Variants in STXBP5L observed in about 807,000 individuals in gnomAD.
STXBP5L encodes syntaxin-binding protein 5-like.
A neutral mutation model predicts 144.5 loss-of-function variants in STXBP5L; 65 were observed. The ratio of observed to expected loss-of-function variants is 0.45; its 90% CI spans 0.37 to 0.55. The LOEUF is 0.55. STXBP5L is among the 20% of genes least tolerant of loss of function. STXBP5L has a pLI of 0.00. For synonymous variants in STXBP5L, 505 were observed against 469.6 expected (o/e 1.08, Z -0.97); for missense variants, 1,298 against 1,405.5 (o/e 0.92, Z 1.22).
chr3:121,388,699 G>GA (rs1324423789), intron 22 of STXBP5L, among the ~76,000 whole-genome samples: 1 of 152,158 alleles, frequency 6.6e-6, no homozygotes, highest in East Asian at 1.9e-4. Context: ...TACGTTTATT[G>GA]ATTTCTGTAT....
intron 20 of STXBP5L, among the ~76,000 whole-genome samples, chr3:121,329,193 T>C (rs1196199804): frequency 6.6e-6 from 1 of 152,138 alleles, no homozygotes; most frequent in Admixed American, 6.5e-5. Flanking sequence ...TTATCCTGGG[T>C]AAAAGTCCCG....
intron 20 of STXBP5L, among the ~76,000 whole-genome samples, chr3:121,352,147 G>A (rs1043637059): frequency 6.6e-6 from 1 of 152,094 alleles, no homozygotes; most frequent in South Asian, 2.1e-4. Context: ...TTCTGGCTTA[G>A]GATTGACTTG....
chr3:120,982,300 G>C (rs1576565926), intron 3 of STXBP5L, among the ~76,000 whole-genome samples: 1 of 152,146 alleles, frequency 6.6e-6, no homozygotes, highest in East Asian at 1.9e-4. Flanking sequence ...TCCATAGGTG[G>C]GGGGACAAAG....
rs577760365 is a variant in STXBP5L at position 121,014,378 on chromosome 3, CT to C, written c.288-27315del. ...TTCTGTCACCACATAGCAGGGTTGT[CT>C]TTTTTTGAGTTCCATATAAATGGAA... On this transcript the variant is annotated intron_variant, in intron 3 of 26. Coordinates refer to ENST00000471454, the MANE Select transcript of STXBP5L (RefSeq NM_001308330.2). Among the ~76,000 whole-genome samples the C allele has an allele frequency of 5.9e-3, 901 of 151,950 alleles. 8 individuals carry two copies. The highest frequency in any genetic ancestry group is 0.02 in the African/African-American group (830 of 41,480).
intron 2 of STXBP5L, among the ~76,000 whole-genome samples, chr3:120,930,163 TC>T (rs1312422296): frequency 1.5e-5 from 2 of 135,744 alleles, no homozygotes; most frequent in Non-Finnish European, 3.1e-5. Context: ...ATTTCTATTT[TC>T]TTTTTTTTTT....
At chr3:121,281,400 C>T (rs1366582506) in intron 19 of STXBP5L, among the ~76,000 whole-genome samples, 1 of 151,956 alleles carries the variant, frequency 6.6e-6, no homozygotes, top group African/African-American at 2.4e-5. Flanking sequence ...ATTCACATAA[C>T]GTGAGGTTTC....
intron 8 of STXBP5L, among the ~76,000 whole-genome samples, chr3:121,153,333 T>G (rs780703109): frequency 2.6e-5 from 4 of 152,060 alleles, no homozygotes; most frequent in African/African-American, 4.8e-5. Flanking sequence ...CTTTTGTACC[T>G]GTGGAAACAA....
intron 9 of STXBP5L, among the ~76,000 whole-genome samples, chr3:121,175,816 G>T (rs974771528): frequency 6.7e-6 from 1 of 149,632 alleles, no homozygotes; most frequent in African/African-American, 2.5e-5. Context: ...GTTGTCTACA[G>T]GAAACAAACT....
intron 8 of STXBP5L, among the ~76,000 whole-genome samples, chr3:121,155,785 C>T (rs1248034587): frequency 3.9e-5 from 6 of 151,958 alleles, no homozygotes; most frequent in Admixed American, 2.6e-4. Flanking sequence ...CTTTTCTAAA[C>T]AATAAATATA....
intron 5 of STXBP5L, among the ~76,000 whole-genome samples, chr3:121,098,896 T>C (rs1361260900): frequency 1.3e-5 from 2 of 152,102 alleles, no homozygotes; most frequent in Non-Finnish European, 2.9e-5. Flanking sequence ...AAGAAAATAA[T>C]TTTCTCCATT....
intron 3 of STXBP5L, among the ~76,000 whole-genome samples, chr3:120,958,535 A>G (rs935495557): frequency 6.6e-6 from 1 of 152,150 alleles, no homozygotes; most frequent in African/African-American, 2.4e-5. Context: ...ATCCAGCAAC[A>G]TATCAAAAAG....
intron 22 of STXBP5L, among the ~76,000 whole-genome samples, chr3:121,391,230 C>T (rs944172947): frequency 6.6e-6 from 1 of 152,128 alleles, no homozygotes; most frequent in Non-Finnish European, 1.5e-5. Context: ...ATGGTTTTAG[C>T]TCCATCAGGT....
intron 3 of STXBP5L, among the ~76,000 whole-genome samples, chr3:121,024,054 G>T (rs772836289): frequency 2.0e-5 from 3 of 151,950 alleles, no homozygotes; most frequent in Non-Finnish European, 4.4e-5. Flanking sequence ...CACCGTGCCT[G>T]GCCTAAAAAT....
At chr3:121,240,848 G>T (rs1012770166) in intron 14 of STXBP5L, among the ~76,000 whole-genome samples, 1 of 152,108 alleles carries the variant, frequency 6.6e-6, no homozygotes, top group African/African-American at 2.4e-5. Flanking sequence ...TCACTGCTCT[G>T]TATCTGTACG....
intron 9 of STXBP5L, among the ~76,000 whole-genome samples, chr3:121,192,166 T>C (rs1225380705): frequency 1.3e-5 from 2 of 152,152 alleles, no homozygotes; most frequent in African/African-American, 4.8e-5. Context: ...TCACAACCAT[T>C]CTTATACACC....
At chr3:121,001,006 G>A (rs1355534146) in intron 3 of STXBP5L, among the ~76,000 whole-genome samples, 1 of 152,188 alleles carries the variant, frequency 6.6e-6, no homozygotes, top group African/African-American at 2.4e-5. Context: ...GTGGCGGGGG[G>A]AAGGGGGTAA....
At chr3:121,174,839 C>T (rs1175118305) in intron 9 of STXBP5L, among the ~76,000 whole-genome samples, 3 of 151,978 alleles carry the variant, frequency 2.0e-5, no homozygotes, top group African/African-American at 4.8e-5. Flanking sequence ...GCCAAATGTC[C>T]TCTATTTATT....
chr3:121,089,172 A>T (rs1389924372), intron 5 of STXBP5L, among the ~76,000 whole-genome samples: 1 of 149,108 alleles, frequency 6.7e-6, no homozygotes. Context: ...GTATATACAT[A>T]GTACATTTAT....
At chr3:121,414,490 C>T (rs1242462514) in intron 24 of STXBP5L, among the ~76,000 whole-genome samples, 1 of 152,164 alleles carries the variant, frequency 6.6e-6, no homozygotes, top group Non-Finnish European at 1.5e-5. Flanking sequence ...AATTCTAACC[C>T]ACTGGATATA....
Sources: allele counts gnomAD v4.1 joint callset (sites outside exome capture counted in the v4.1 genomes callset), GRCh38; gene constraint gnomAD v4.1.1; transcripts MANE v1.5; gene names NCBI Gene and HGNC (gene_info 2026-07-23, HGNC 2026-07-21).